MAGI2: variants seen among roughly 807,000 people sequenced by gnomAD.
The protein encoded by MAGI2 is membrane associated guanylate kinase, WW and PDZ domain containing 2.
In MAGI2, 35 loss-of-function variants were observed where a neutral mutation model predicts 133.3. The observed-to-expected ratio is 0.26, with a 90% CI of 0.20 to 0.35. MAGI2 has a LOEUF of 0.35. Ranked by LOEUF, MAGI2 falls within the 10% of genes least tolerant of loss-of-function variation. The pLI, the probability that MAGI2 is intolerant of heterozygous loss-of-function variation, is 1.00. For missense variants in MAGI2, 1,636 were observed against 1,863.4 expected (o/e 0.88, Z 2.25); for synonymous variants, 729 against 710.6 (o/e 1.03, Z -0.41).
chr7:78,046,142 T>A (rs909735229), intron 21 of MAGI2, among the ~76,000 whole-genome samples: 2 of 150,812 alleles, frequency 1.3e-5, no homozygotes, highest in Non-Finnish European at 2.9e-5. Context: ...ATGCCTGTCA[T>A]CCCAGCACTT....
chr7:78,772,919 C>T (rs1390814058), intron 2 of MAGI2, among the ~76,000 whole-genome samples: 1 of 152,176 alleles, frequency 6.6e-6, no homozygotes, highest in African/African-American at 2.4e-5. Context: ...GCTGTTCTTT[C>T]ACCTTTTCTT....
chr7:79,282,752 T>G (rs1227524512), intron 1 of MAGI2, among the ~76,000 whole-genome samples: 1 of 152,116 alleles, frequency 6.6e-6, no homozygotes. Context: ...AAGTTTTATT[T>G]TAATGTATTT....
chr7:78,183,159 T>G (rs1827345159), intron 13 of MAGI2, among the ~76,000 whole-genome samples: 1 of 152,204 alleles, frequency 6.6e-6, no homozygotes, highest in East Asian at 1.9e-4. Flanking sequence ...CTTATAATTA[T>G]GATAAACGTA....
chr7:78,930,729 A>G (rs1800048905), intron 2 of MAGI2, among the ~76,000 whole-genome samples: 2 of 152,024 alleles, frequency 1.3e-5, no homozygotes, highest in Admixed American at 6.6e-5. Flanking sequence ...CTAATATACA[A>G]TTTTCTCTCA....
chr7:78,374,156 G>A (rs1031569826), intron 6 of MAGI2, among the ~76,000 whole-genome samples: 4 of 152,126 alleles, frequency 2.6e-5, no homozygotes, highest in Admixed American at 2.0e-4. Context: ...TCTATTCCAA[G>A]TTCTTTGAGA....
intron 1 of MAGI2, among the ~76,000 whole-genome samples, chr7:79,261,015 T>C (rs566351405): frequency 1.3e-5 from 2 of 152,046 alleles, no homozygotes; most frequent in Non-Finnish European, 2.9e-5. Flanking sequence ...AAACAAACAA[T>C]AAACAGGCAG....
chr7:79,392,434 G>A (rs1844729308), intron 1 of MAGI2, among the ~76,000 whole-genome samples: 1 of 152,126 alleles, frequency 6.6e-6, no homozygotes, highest in Non-Finnish European at 1.5e-5. Context: ...GAATCACCAT[G>A]CTGTCCTCCA....
At chr7:79,161,842 G>A (rs1266295685) in intron 1 of MAGI2, among the ~76,000 whole-genome samples, 1 of 152,018 alleles carries the variant, frequency 6.6e-6, no homozygotes, top group Non-Finnish European at 1.5e-5. Flanking sequence ...TTCGATATAA[G>A]TTTTAAAACA....
At chr7:78,250,586 A>G (rs571335774) in intron 10 of MAGI2, among the ~76,000 whole-genome samples, 1 of 152,240 alleles carries the variant, frequency 6.6e-6, no homozygotes, top group African/African-American at 2.4e-5. Context: ...AGCAATTTCA[A>G]AAGTTAGTTC....
chr7:78,741,191 A>G (rs926024715), intron 2 of MAGI2, among the ~76,000 whole-genome samples: 1 of 152,112 alleles, frequency 6.6e-6, no homozygotes, highest in Non-Finnish European at 1.5e-5. Context: ...CTCATGAAAT[A>G]TCTTCTTGTT....
At chr7:78,988,991 A>T (rs1805515320) in intron 2 of MAGI2, among the ~76,000 whole-genome samples, 1 of 152,006 alleles carries the variant, frequency 6.6e-6, no homozygotes, top group South Asian at 2.1e-4. Flanking sequence ...TAGTTGCATA[A>T]CTCTGTAGTA....
chr7:78,538,329 T>C (rs567528841), intron 3 of MAGI2, among the ~76,000 whole-genome samples: 1 of 152,328 alleles, frequency 6.6e-6, no homozygotes, highest in East Asian at 1.9e-4. Flanking sequence ...TAGTTCCATA[T>C]GAATTTTAGG....
chr7:78,634,113 T>G (rs187123560), intron 2 of MAGI2, among the ~76,000 whole-genome samples: 1 of 152,308 alleles, frequency 6.6e-6, no homozygotes, highest in East Asian at 1.9e-4. Flanking sequence ...AAGAAACAAA[T>G]TGTCTTTTTT....
intron 1 of MAGI2, among the ~76,000 whole-genome samples, chr7:79,398,231 A>C (rs745991728): frequency 1.3e-5 from 2 of 152,182 alleles, no homozygotes; most frequent in Non-Finnish European, 2.9e-5. Context: ...AATGCAGTGA[A>C]ATTAGGTCAT....
At chr7:78,064,328 T>TTGTGTGTGTGTGTG (rs3840609) in intron 21 of MAGI2, among the ~76,000 whole-genome samples, 2,348 of 148,564 alleles carry the variant, frequency 0.016, 28 homozygotes, top group South Asian at 0.028. Flanking sequence ...TGTGATGGTT[T>TTGTGTGTGTGTGTG]TGTGTGTGTG....
intron 6 of MAGI2, among the ~76,000 whole-genome samples, chr7:78,477,937 A>G (rs1207304846): frequency 1.4e-5 from 2 of 141,244 alleles, no homozygotes; most frequent in African/African-American, 2.7e-5. Flanking sequence ...TTATTTTTTT[A>G]TTATACTTTA....
At chr7:78,945,701 T>C (rs577138933) in intron 2 of MAGI2, among the ~76,000 whole-genome samples, 1 of 152,276 alleles carries the variant, frequency 6.6e-6, no homozygotes, top group East Asian at 1.9e-4. Flanking sequence ...CATCCTTAAC[T>C]TTCTCTGCTG....
At chr7:78,074,006 C>T (rs553063153) in intron 21 of MAGI2, among the ~76,000 whole-genome samples, 2 of 152,258 alleles carry the variant, frequency 1.3e-5, no homozygotes, top group Admixed American at 6.5e-5. Flanking sequence ...GTATCTATCT[C>T]CTGAGCTTGT....
intron 9 of MAGI2, among the ~76,000 whole-genome samples, chr7:78,314,658 ATTAC>A (rs1209265617): frequency 2.0e-5 from 3 of 152,130 alleles, no homozygotes; most frequent in Non-Finnish European, 2.9e-5. Context: ...TTTTCAGCCT[ATTAC>A]TTTTTGTTCA....
Sources: gnomAD v4.1 joint callset for allele counts (sites outside exome capture counted in the v4.1 genomes callset) on GRCh38, gnomAD v4.1.1 for gene constraint, MANE v1.5 for transcripts, NCBI Gene and HGNC (gene_info 2026-07-23, HGNC 2026-07-21) for gene names.